Variants in PLEKHG1 observed in about 807,000 individuals in gnomAD.
PLEKHG1 encodes pleckstrin homology domain-containing family G member 1.
PLEKHG1 carries 44 observed loss-of-function variants against 100.8 expected under a neutral mutation model. The ratio of observed to expected loss-of-function variants is 0.44; its 90% CI spans 0.34 to 0.56. PLEKHG1 has a LOEUF of 0.56. Ranked by LOEUF, PLEKHG1 falls within the 20% of genes least tolerant of loss-of-function variation. PLEKHG1 has a pLI of 0.01. For missense variants in PLEKHG1, 1,545 were observed against 1,720.9 expected (o/e 0.90, Z 1.81); for synonymous variants, 640 against 662.5 (o/e 0.97, Z 0.52).
intron 6 of PLEKHG1, 77 bp downstream of exon 7, chr6:150,800,946 C>T: frequency 8.5e-7 from 1 of 1,182,658 alleles, no homozygotes; most frequent in Non-Finnish European, 1.2e-6. Context: ...GTGGAAAATA[C>T]CAGAAAATGC....
chr6:150,738,531 G>A (rs1782689586), intron 2 of PLEKHG1, among the ~76,000 whole-genome samples: 1 of 152,132 alleles, frequency 6.6e-6, no homozygotes, highest in South Asian at 2.1e-4. Flanking sequence ...TTTCCCATAT[G>A]TGGAGACATC....
chr6:150,640,819 C>T (rs186565835), intron 2 of PLEKHG1, among the ~76,000 whole-genome samples: 6 of 152,248 alleles, frequency 3.9e-5, no homozygotes, highest in East Asian at 1.9e-4. Flanking sequence ...TGCTGGGCAT[C>T]GGGCATGCTG....
At chr6:150,835,042 A>G (rs1204213110) in intron 15 of PLEKHG1, among the ~76,000 whole-genome samples, 1 of 151,486 alleles carries the variant, frequency 6.6e-6, no homozygotes, top group Non-Finnish European at 1.5e-5. Context: ...CTTTGCCAGG[A>G]GCTTGCTCTC....
intron 1 of PLEKHG1, among the ~76,000 whole-genome samples, chr6:150,603,348 C>T (rs376000696): frequency 3.3e-5 from 5 of 152,168 alleles, no homozygotes; most frequent in African/African-American, 1.2e-4. Context: ...TTCAGAGTCA[C>T]GGGCAGTCTG....
intron 7 of PLEKHG1, among the ~76,000 whole-genome samples, chr6:150,806,223 C>T (rs1210219313): frequency 1.5e-3 from 133 of 89,722 alleles, no homozygotes; most frequent in Non-Finnish European, 1.8e-3. Flanking sequence ...TTCCAGGCTG[C>T]TTTTTTTTTT....
chr6:150,681,608 A>G (rs143543284), intron 3 of PLEKHG1, among the ~76,000 whole-genome samples: 7 of 152,158 alleles, frequency 4.6e-5, no homozygotes, highest in Non-Finnish European at 1.0e-4. Flanking sequence ...TGAGAATTCT[A>G]TATACACAGA....
chr6:150,723,848 G>C (rs892464203), intron 1 of PLEKHG1, among the ~76,000 whole-genome samples: 1 of 152,204 alleles, frequency 6.6e-6, no homozygotes, highest in Non-Finnish European at 1.5e-5. Flanking sequence ...GCTGTGCTAG[G>C]TGATTCTGGC....
At position 150,763,450 on chromosome 6, in the gene PLEKHG1, G is replaced by A. The variant is rs144835258; in HGVS notation, c.412-5188G>A. Among the ~76,000 whole-genome samples, 21 of 152,306 alleles carry A rather than the reference G, an allele frequency of 1.4e-4. No individual in the cohort carries two copies. The East Asian group carries it at 4.0e-3, about 29-fold the overall frequency. On this transcript the variant is annotated intron_variant, in intron 2 of 15. Transcript: ENST00000358517. The stretch of plus-strand genomic sequence containing the variant: ...GCTTGGGCCCTAGCAAGAACAAAAT[G>A]AGCCAGCCTGAGCACATGGAAATCT...
intron 3 of PLEKHG1, among the ~76,000 whole-genome samples, chr6:150,693,974 T>C (rs1780447285): frequency 6.6e-6 from 1 of 152,242 alleles, no homozygotes; most frequent in South Asian, 2.1e-4. Context: ...GTACAGGCTT[T>C]GTGTATAGTT....
At chr6:150,758,145 A>G (rs1250975785) in intron 2 of PLEKHG1, among the ~76,000 whole-genome samples, 1 of 152,164 alleles carries the variant, frequency 6.6e-6, no homozygotes, top group Non-Finnish European at 1.5e-5. Context: ...GAACATACGC[A>G]CACATGTATC....
chr6:150,777,697 G>A (rs943037297), intron 3 of PLEKHG1, among the ~76,000 whole-genome samples: 1 of 147,270 alleles, frequency 6.8e-6, no homozygotes, highest in East Asian at 2.1e-4. Flanking sequence ...ATGCAGTCCT[G>A]GTGCACATGT....
At chr6:150,840,660 G>A (rs779286093) in exon 16 of PLEKHG1, 1 of 1,614,142 alleles carries the variant, frequency 6.2e-7, no homozygotes, top group Non-Finnish European at 8.5e-7. Context: ...AAAGTTTGTG[G>A]ATGCTGACTT....
intron 3 of PLEKHG1, among the ~76,000 whole-genome samples, chr6:150,675,129 T>C (rs1366721692): frequency 1.3e-5 from 2 of 151,984 alleles, no homozygotes; most frequent in East Asian, 3.9e-4. Context: ...ATTTTGGGAG[T>C]TCACCATATG....
In PLEKHG1 at chr6:150,831,895, T is replaced by C. The variant is rs1255013052; in HGVS notation, c.2784T>C (p.Phe928=). Residue 928 remains phenylalanine, a synonymous_variant, in exon 15 of 16, where the codon TTT becomes TTC. Coordinates refer to ENST00000358517, the Ensembl canonical transcript of PLEKHG1. This position sits in a 1 kb window ranked among gnomAD's most constrained non-coding sequence, Gnocchi z 4.1. ...ACCTGATTTCTAAAGAAGGCTCCTT[T>C]ATGAGCCTTAACCGGCTTTCTCTGG... The C allele has an allele frequency of 1.9e-6, 3 of 1,614,046 alleles. No individual in the cohort carries two copies. The highest frequency in any genetic ancestry group is 4.5e-5 in the East Asian group (2 of 44,878).
At chr6:150,787,279 T>C (rs1785680684) in intron 4 of PLEKHG1, among the ~76,000 whole-genome samples, 1 of 152,152 alleles carries the variant, frequency 6.6e-6, no homozygotes, top group South Asian at 2.1e-4. Context: ...CATCAGTGGT[T>C]TCGAAAAATA....
At chr6:150,731,424 A>G (rs917855476) in intron 1 of PLEKHG1, among the ~76,000 whole-genome samples, 21 of 152,174 alleles carry the variant, frequency 1.4e-4, no homozygotes, top group African/African-American at 4.6e-4. Context: ...TTATTTTCAT[A>G]ACTTTAATAT....
chr6:150,691,641 A>AT (rs1780352927), intron 3 of PLEKHG1, among the ~76,000 whole-genome samples: 2 of 152,234 alleles, frequency 1.3e-5, no homozygotes, highest in East Asian at 3.9e-4. Flanking sequence ...AATTTTTAAG[A>AT]TTTTTTCTAA....
chr6:150,731,493 G>C (rs965613034), intron 1 of PLEKHG1, among the ~76,000 whole-genome samples: 12 of 152,202 alleles, frequency 7.9e-5, no homozygotes, highest in Non-Finnish European at 1.6e-4. Context: ...TGTTGAAGGA[G>C]AGACTTGTTG....
At chr6:150,745,366 G>C (rs937963536) in intron 2 of PLEKHG1, among the ~76,000 whole-genome samples, 2 of 152,076 alleles carry the variant, frequency 1.3e-5, no homozygotes, top group Non-Finnish European at 2.9e-5. Context: ...ACTCTATGAC[G>C]CATAACATAT....
Sources: allele counts gnomAD v4.1 joint callset (sites outside exome capture counted in the v4.1 genomes callset), GRCh38; gene constraint gnomAD v4.1.1; non-coding constraint Gnocchi (gnomAD v3.1); transcripts MANE v1.5; gene names NCBI Gene and HGNC (gene_info 2026-07-23, HGNC 2026-07-21).